BCO1: variants seen among roughly 807,000 people sequenced by gnomAD.
The protein encoded by BCO1 is beta,beta-carotene 15,15'-dioxygenase.
A neutral mutation model predicts 56.3 loss-of-function variants in BCO1; 54 were observed. That is an observed-to-expected ratio of 0.96 (90% confidence interval 0.77 to 1.20). The LOEUF is 1.20. BCO1 is among the 50% of genes most tolerant of loss of function. BCO1 has a pLI of 0.00. For missense variants in BCO1, 801 were observed against 690.9 expected (o/e 1.16, Z -1.79); for synonymous variants, 318 against 266.1 (o/e 1.20, Z -1.90).
chr16:81,275,557 T>C lies in BCO1; in HGVS notation c.1101+5141T>C, dbSNP rs533162789. On this transcript the variant is annotated intron_variant, in intron 7 of 10. Transcript: ENST00000258168. ...CCTCTTCCTGTTCAAGCCTAAGTTC[T>C]GGGAGGACAGGGACTCTGTCTCATC... Among the ~76,000 whole-genome samples, 26 of 152,352 alleles carry C rather than the reference T, an allele frequency of 1.7e-4. No individual in the cohort carries two copies. The South Asian group carries it at 4.3e-3, about 25-fold the overall frequency.
At chr16:81,240,095 T>C (rs1905046298) in intron 1 of BCO1, among the ~76,000 whole-genome samples, 1 of 152,150 alleles carries the variant, frequency 6.6e-6, no homozygotes, top group African/African-American at 2.4e-5. Flanking sequence ...TGTATATATT[T>C]TCCTGGTTAC....
At chr16:81,272,086 A>G (rs537993100) in intron 7 of BCO1, among the ~76,000 whole-genome samples, 3 of 141,758 alleles carry the variant, frequency 2.1e-5, no homozygotes, top group South Asian at 2.3e-4. Context: ...GGTACATACT[A>G]TCTTACAGAC....
chr16:81,238,779 GAC>G lies in BCO1; in HGVS notation c.-128_-127del. On this transcript the variant is annotated 5_prime_UTR_variant, in exon 1 of 11. Transcript: ENST00000258168. ...CAAAGGCAGAAACGGCATCAGGAGAGACAGAGATGTGAAGGAGGGAAGGAGCA... is the reference window on the plus strand; with the variant it reads ...CAAAGGCAGAAACGGCATCAGGAGAGAGAGATGTGAAGGAGGGAAGGAGCA... The G allele has an allele frequency of 2.4e-6, 2 of 825,962 alleles. No homozygotes were observed. Among genetic ancestry groups the G allele is most frequent in the South Asian group, 2.8e-5 (2 of 71,312 alleles). 51.2% of individuals were successfully genotyped at this position (825,962 alleles called of 1,614,324 possible).
intron 4 of BCO1, chr16:81,262,926 G>A (rs1471601674): frequency 6.4e-6 from 1 of 155,826 alleles, no homozygotes; most frequent in South Asian, 2.0e-4. Context: ...CTGAAACCAA[G>A]GTGTCAGCCC....
Position 81,270,274 on chromosome 16 carries a change from T to A in BCO1, c.959T>A (p.Val320Glu), listed in dbSNP as rs1325297727. Residue 320 changes from valine (V) to glutamate (E), a missense_variant, in exon 7 of 11, where the codon GTG (valine) becomes GAG (glutamate). Physicochemically the swap from Val to Glu is moderately radical, Grantham distance 121 (BLOSUM62 -2). Transcript: ENST00000258168. The part of the protein sequence containing the change: ...VNAYEEDGCI[V>E]FDVIAYEDNS... Reference sequence around the variant, plus strand: ...GCCTACGAAGAGGACGGCTGCATCGTGTTTGACGTCATTGCCTACGAGGAC... The same window carrying A: ...GCCTACGAAGAGGACGGCTGCATCGAGTTTGACGTCATTGCCTACGAGGAC... 1.9e-6 allele frequency: 3 copies of A among 1,614,196 alleles called. No homozygotes were observed. In the South Asian group the frequency reaches 3.3e-5, roughly 18 times the overall value.
Position 81,286,527 on chromosome 16 carries a change from T to C in BCO1, c.1303-768T>C, listed in dbSNP as rs1461103685. 7.9e-5 allele frequency among the ~76,000 whole-genome samples: 12 copies of C among 152,328 alleles called. No homozygotes were observed. In the East Asian group the frequency reaches 1.9e-3, roughly 24 times the overall value. ...AATATATTCATTTATTTAACTCATA[T>C]AAAATTGCAGTGCAATTTCAAATAC... On this transcript the variant is annotated intron_variant, in intron 9 of 10. Coordinates refer to ENST00000258168, the MANE Select transcript of BCO1 (RefSeq NM_017429.3).
chr16:81,275,129 C>T (rs1907474946), intron 7 of BCO1, among the ~76,000 whole-genome samples: 1 of 152,248 alleles, frequency 6.6e-6, no homozygotes, highest in African/African-American at 2.4e-5. Flanking sequence ...AGCTTTGGCT[C>T]CACCCCATCC....
At chr16:81,248,895 C>T (rs1283135641) in intron 2 of BCO1, among the ~76,000 whole-genome samples, 12 of 151,954 alleles carry the variant, frequency 7.9e-5, no homozygotes, top group Non-Finnish European at 1.5e-5. Flanking sequence ...AACTGTAATC[C>T]CAGCTACTTG....
At chr16:81,270,539 G>GTTT in intron 7 of BCO1, 123 bp downstream of exon 7, 1 of 1,236,608 alleles carries the variant, frequency 8.1e-7, no homozygotes, top group Non-Finnish European at 1.1e-6. Flanking sequence ...AAAAAAAAAA[G>GTTT]TTTTCATTGT....
At chr16:81,272,558 G>A (rs11150378) in intron 7 of BCO1, among the ~76,000 whole-genome samples, 150,592 of 152,314 alleles carry the variant, frequency 0.99, 74,466 homozygotes, top group East Asian at 1. Context: ...TCTGATGTTG[G>A]AAGTTCCGTT....
Position 81,267,923 on chromosome 16 carries a change from G to C in BCO1, c.635G>C (p.Gly212Ala). 6.2e-7 allele frequency: 1 copy of C among 1,613,862 alleles called. No homozygotes were observed. The highest frequency in any genetic ancestry group is 1.1e-5 in the South Asian group (1 of 91,064). The part of the protein sequence containing the change: ...PATVPEGKKQ[G>A]KSPWKHTEVF... The stretch of plus-strand genomic sequence containing the variant: ...GTCTTGCTAGAGGGCAAGAAGCAGG[G>C]GAAGAGCCCCTGGAAGCACACAGAG... The change falls in exon 6 of 11, where the codon GGG (glycine) becomes GCG (alanine). Residue 212 changes from glycine to alanine, a missense_variant. Physicochemically the swap from Gly to Ala is moderately conservative, Grantham distance 60 (BLOSUM62 0). Coordinates refer to ENST00000258168, the MANE Select transcript of BCO1 (RefSeq NM_017429.3).
chr16:81,252,852 A>G (rs1270107223), intron 2 of BCO1, among the ~76,000 whole-genome samples: 1 of 152,130 alleles, frequency 6.6e-6, no homozygotes, highest in Non-Finnish European at 1.5e-5. Flanking sequence ...AGGACCCCTT[A>G]CATTACCACA....
intron 7 of BCO1, among the ~76,000 whole-genome samples, chr16:81,280,655 G>T (rs183998839): frequency 3.3e-5 from 5 of 152,142 alleles, no homozygotes; most frequent in African/African-American, 9.7e-5. Context: ...TGACCTTGGA[G>T]GAGTCACCTT....
At chr16:81,257,785 C>G (rs1232832779) in intron 2 of BCO1, among the ~76,000 whole-genome samples, 1 of 150,060 alleles carries the variant, frequency 6.7e-6, no homozygotes, top group Non-Finnish European at 1.5e-5. Flanking sequence ...GAGGCTGAGG[C>G]AGGAGAATCT....
At position 81,264,744 on chromosome 16, in the gene BCO1, G is replaced by A. The variant is rs1906704974; in HGVS notation, c.576G>A (p.Gly192=). 1.2e-6 allele frequency: 2 copies of A among 1,614,206 alleles called. No homozygotes were observed. Among genetic ancestry groups the A allele is most frequent in the Admixed American group, 1.7e-5 (1 of 60,022 alleles). Residue 192 remains glycine, a synonymous_variant, in exon 5 of 11, where the codon GGG becomes GGA. Coordinates refer to ENST00000258168, the MANE Select transcript of BCO1 (RefSeq NM_017429.3). ...TGGGCACATCCATTGTGGAAAAGGG[G>A]AAGACAAAGTATGTGATTTTTAAGA... ...LNMGTSIVEK[G]KTKYVIFKIP...
intron 6 of BCO1, among the ~76,000 whole-genome samples, chr16:81,268,440 T>C (rs1409891676): frequency 6.6e-6 from 1 of 152,152 alleles, no homozygotes; most frequent in Admixed American, 6.5e-5. Context: ...TCCTCAGTCC[T>C]TATGGAGAGC....
chr16:81,241,082 T>A (rs1905085158), intron 1 of BCO1, among the ~76,000 whole-genome samples: 1 of 152,060 alleles, frequency 6.6e-6, no homozygotes, highest in Admixed American at 6.6e-5. Context: ...GATCCGCCCG[T>A]GTTGGCCTCC....
At chr16:81,243,009 G>A (rs1173517131) in intron 1 of BCO1, among the ~76,000 whole-genome samples, 1 of 152,062 alleles carries the variant, frequency 6.6e-6, no homozygotes, top group Non-Finnish European at 1.5e-5. Context: ...AAAAGTTTGG[G>A]GACCACTGAT....
At chr16:81,287,189 C>T in intron 9 of BCO1, 106 bp from the exon 10 acceptor site, 12 of 873,784 alleles carry the variant, frequency 1.4e-5, no homozygotes, top group Middle Eastern at 6.2e-4. Context: ...AGTCTACATC[C>T]GATGGGCTTC....
Sources: gnomAD v4.1 joint callset for allele counts (sites outside exome capture counted in the v4.1 genomes callset) on GRCh38, gnomAD v4.1.1 for gene constraint, MANE v1.5 for transcripts, NCBI Gene and HGNC (gene_info 2026-07-23, HGNC 2026-07-21) for gene names.